ENAH: variants seen among roughly 807,000 people sequenced by gnomAD.
The protein encoded by ENAH is protein enabled homolog.
A neutral mutation model predicts 78.7 loss-of-function variants in ENAH; 23 were observed. That is an observed-to-expected ratio of 0.29 (90% CI 0.21 to 0.41). The LOEUF (loss-of-function observed/expected upper bound fraction) is 0.41. ENAH is among the 10% of genes least tolerant of loss of function. The pLI is 1.00. For missense variants in ENAH, 544 were observed against 691.0 expected (o/e 0.79, Z 2.39); for synonymous variants, 226 against 241.0 (o/e 0.94, Z 0.58).
intron 1 of ENAH, among the ~76,000 whole-genome samples, chr1:225,570,991 A>G (rs1454010814): frequency 1.3e-5 from 2 of 152,160 alleles, no homozygotes; most frequent in South Asian, 4.1e-4. Context: ...AAATACACAT[A>G]ACATAACAAA....
In ENAH at chr1:225,555,014, G is replaced by T; in HGVS notation, c.241C>A (p.Arg81=). ...AGACCATACACCTGTCTAGCATCTCGCCACTGGTGGAAGGTCTGTGTAGCT... is the reference window on the plus strand; with the variant it reads ...AGACCATACACCTGTCTAGCATCTCTCCACTGGTGGAAGGTCTGTGTAGCT... The part of the protein sequence containing the change: ...NQATQTFHQW[R]DARQVYGLNF... Residue 81 remains arginine, a synonymous_variant, in exon 3 of 14, where the codon CGA becomes AGA. Coordinates refer to ENST00000366843, the MANE Select transcript of ENAH (RefSeq NM_018212.6). 6.2e-7 allele frequency: 1 copy of T among 1,607,234 alleles called. No homozygotes were observed. Among genetic ancestry groups the T allele is most frequent in the Non-Finnish European group, 8.5e-7 (1 of 1,174,678 alleles).
Position 225,495,434 on chromosome 1 carries a change from AAT to A in ENAH, c.*2339_*2340del, listed in dbSNP as rs2096244507. On this transcript the variant is annotated 3_prime_UTR_variant, in exon 14 of 14. Transcript: ENST00000366843. The stretch of plus-strand genomic sequence containing the variant: ...CATTTAGCAATCTGGGATGATGGGA[AAT>A]ATAGCATGATTCAACACTGGTTTTT... 1 of 149,660 alleles carries A rather than the reference AAT, an allele frequency of 6.7e-6. No individual in the cohort carries two copies. Among genetic ancestry groups the A allele is most frequent in the Admixed American group, 6.7e-5 (1 of 14,960 alleles). 9.3% of individuals were successfully genotyped at this position (149,660 alleles called of 1,614,324 possible).
At chr1:225,543,177 A>G (rs183147511) in intron 3 of ENAH, among the ~76,000 whole-genome samples, 23 of 152,284 alleles carry the variant, frequency 1.5e-4, no homozygotes, top group African/African-American at 4.6e-4. Context: ...GAGACTGGAG[A>G]CACATTTCCT....
intron 1 of ENAH, 140 bp downstream of exon 1, chr1:225,652,546 A>G: frequency 9.4e-7 from 1 of 1,062,624 alleles, no homozygotes; most frequent in Non-Finnish European, 1.2e-6. Context: ...AAGGGACAAA[A>G]GGCGGAGGGG....
intron 11 of ENAH, among the ~76,000 whole-genome samples, chr1:225,503,841 G>T (rs1041116616): frequency 1.3e-5 from 2 of 152,020 alleles, no homozygotes; most frequent in Admixed American, 1.3e-4. Flanking sequence ...CACTGCAATA[G>T]ACATCCACTA....
intron 1 of ENAH, among the ~76,000 whole-genome samples, chr1:225,643,047 A>G (rs535453336): frequency 8.1e-4 from 124 of 152,338 alleles, no homozygotes; most frequent in African/African-American, 2.8e-3. Flanking sequence ...TTTGTTTATT[A>G]TTCACTCAAA....
At chr1:225,534,382 T>A (rs778637680) in intron 3 of ENAH, among the ~76,000 whole-genome samples, 2 of 152,156 alleles carry the variant, frequency 1.3e-5, no homozygotes, top group Non-Finnish European at 2.9e-5. Flanking sequence ...TTTAAGTGAC[T>A]AACAAATACA....
At chr1:225,649,354 G>A (rs1479427753) in intron 1 of ENAH, among the ~76,000 whole-genome samples, 2 of 151,458 alleles carry the variant, frequency 1.3e-5, no homozygotes, top group African/African-American at 4.9e-5. Flanking sequence ...TAGCCACCAG[G>A]CTACATGCAA....
At chr1:225,560,867 G>A (rs1035655896) in intron 2 of ENAH, among the ~76,000 whole-genome samples, 45 of 152,352 alleles carry the variant, frequency 3.0e-4, no homozygotes, top group Non-Finnish European at 1.9e-4. Flanking sequence ...ATAACAGAAT[G>A]CTAGAAAAAG....
intron 11 of ENAH, among the ~76,000 whole-genome samples, chr1:225,502,146 A>G (rs929792468): frequency 1.5e-4 from 23 of 152,184 alleles, no homozygotes; most frequent in African/African-American, 5.3e-4. Context: ...TAAGACATAA[A>G]ATACTTTAAA....
chr1:225,542,621 A>G (rs1033806637), intron 3 of ENAH, among the ~76,000 whole-genome samples: 42 of 152,262 alleles, frequency 2.8e-4, no homozygotes, highest in African/African-American at 9.9e-4. Flanking sequence ...AATTGTCCAC[A>G]TTTACTTTTT....
intron 1 of ENAH, among the ~76,000 whole-genome samples, chr1:225,633,041 T>G (rs529748000): frequency 6.9e-6 from 1 of 145,876 alleles, no homozygotes; most frequent in Non-Finnish European, 1.5e-5. Context: ...CTCAAAGTCT[T>G]TTTTTTTTTT....
intron 1 of ENAH, among the ~76,000 whole-genome samples, chr1:225,638,167 G>A (rs574366685): frequency 6.6e-6 from 1 of 152,034 alleles, no homozygotes; most frequent in South Asian, 2.1e-4. Context: ...TAGCAGAATG[G>A]CTCTGAAGTC....
intron 1 of ENAH, among the ~76,000 whole-genome samples, chr1:225,599,555 T>C (rs972604142): frequency 7.9e-5 from 12 of 151,908 alleles, no homozygotes; most frequent in Non-Finnish European, 1.3e-4. Flanking sequence ...CCTGTAATCC[T>C]TGCACTTTGG....
At chr1:225,568,701 C>T (rs908345330) in intron 1 of ENAH, among the ~76,000 whole-genome samples, 4 of 152,222 alleles carry the variant, frequency 2.6e-5, no homozygotes, top group African/African-American at 4.8e-5. Flanking sequence ...CTTGCTCGTG[C>T]ATCTGCCCCA....
chr1:225,653,191 C>G (rs1318009965), upstream of ENAH: 2 of 150,642 alleles, frequency 1.3e-5, no homozygotes, highest in African/African-American at 4.9e-5. This position sits in a 1 kb window ranked among gnomAD's most constrained non-coding sequence, Gnocchi z 4.3. Flanking sequence ...CGCCGCCCTC[C>G]TCCCCTCCTT....
chr1:225,540,722 C>G (rs747823149), intron 3 of ENAH, among the ~76,000 whole-genome samples: 1 of 150,334 alleles, frequency 6.7e-6, no homozygotes, highest in Non-Finnish European at 1.5e-5. Context: ...ACTAAAGAAT[C>G]TGAGGAAGGC....
At chr1:225,627,320 C>A (rs1445254470) in intron 1 of ENAH, among the ~76,000 whole-genome samples, 2 of 152,056 alleles carry the variant, frequency 1.3e-5, no homozygotes, top group Admixed American at 6.6e-5. Context: ...TTATCTAGGG[C>A]TCAGGAGCAA....
At chr1:225,574,900 C>CAAAA (rs1160881680) in intron 1 of ENAH, among the ~76,000 whole-genome samples, 1 of 1,550 alleles carries the variant, frequency 6.5e-4, no homozygotes, top group African/African-American at 7.1e-3. Context: ...GACTCCGTCT[C>CAAAA]AAAAAAAAAA....
Sources: gnomAD v4.1 joint callset for allele counts (sites outside exome capture counted in the v4.1 genomes callset) on GRCh38, gnomAD v4.1.1 for gene constraint, Gnocchi (gnomAD v3.1) non-coding constraint, MANE v1.5 for transcripts, NCBI Gene and HGNC (gene_info 2026-07-23, HGNC 2026-07-21) for gene names.